NLRP9: variants seen among roughly 807,000 people sequenced by gnomAD.
NLRP9 encodes NACHT, LRR and PYD domains-containing protein 9.
Under a neutral mutation model 83.1 loss-of-function variants are expected in NLRP9, and 88 were observed. The ratio of observed to expected loss-of-function variants is 1.06; its 90% CI spans 0.89 to 1.26. The LOEUF is 1.26. NLRP9 is among the 50% of genes most tolerant of loss of function. NLRP9 has a pLI of 0.00. For synonymous variants in NLRP9, 521 were observed against 447.6 expected, an observed-to-expected ratio of 1.16 and a Z score of -2.07; for missense variants, 1,308 against 1,179.3, an observed-to-expected ratio of 1.11 and a Z score of -1.60.
chr19:55,734,980 A>G (rs182571739), intron 1 of NLRP9, among the ~76,000 whole-genome samples: 1 of 152,284 alleles, frequency 6.6e-6, no homozygotes, highest in East Asian at 1.9e-4. Flanking sequence ...AGTGATGAGA[A>G]ATGGGGAAGG....
rs769131313 is a variant in NLRP9 at position 55,711,361 on chromosome 19, T to G, written c.2843+439A>C. 6 of 1,160,648 alleles carry G rather than the reference T, an allele frequency of 5.2e-6. No homozygotes were observed. In the South Asian group the frequency reaches 1.1e-4, roughly 21 times the overall value. 71.9% of individuals were successfully genotyped at this position (1,160,648 alleles called of 1,614,324 possible). ...ACAACTCTAAAGGCAAACCTAATTT[T>G]CAGAACAACGTTAACTGCTGCCATT... On this transcript the variant is annotated intron_variant, in intron 8 of 8. Transcript: ENST00000332836.
At chr19:55,736,109 T>A (rs1988778079) in intron 1 of NLRP9, among the ~76,000 whole-genome samples, 1 of 152,006 alleles carries the variant, frequency 6.6e-6, no homozygotes, top group Non-Finnish European at 1.5e-5. Flanking sequence ...TAAGCAAGGT[T>A]ATTTAAAACT....
intron 1 of NLRP9, among the ~76,000 whole-genome samples, chr19:55,735,510 C>T (rs972463834): frequency 6.6e-6 from 1 of 152,130 alleles, no homozygotes; most frequent in African/African-American, 2.4e-5. Context: ...AATCATGGCT[C>T]ATAGCTTGAT....
At chr19:55,711,715 T>TC in intron 8 of NLRP9, 85 bp downstream of exon 8, 1 of 1,335,570 alleles carries the variant, frequency 7.5e-7, no homozygotes, top group Non-Finnish European at 1.1e-6. Context: ...CAGCCTGGCA[T>TC]CCATCATGTC....
intron 4 of NLRP9, among the ~76,000 whole-genome samples, chr19:55,720,493 ATT>A (rs944183174): frequency 2.0e-5 from 3 of 151,924 alleles, no homozygotes; most frequent in African/African-American, 7.3e-5. Flanking sequence ...TACCTAGATA[ATT>A]TTTTTGTTTT....
intron 4 of NLRP9, 25 bp from the exon 5 acceptor site, chr19:55,716,923 G>C: frequency 6.2e-7 from 1 of 1,604,764 alleles, no homozygotes; most frequent in African/African-American, 1.3e-5. Flanking sequence ...CACACCATGA[G>C]ACGGACCAAA....
intron 4 of NLRP9, among the ~76,000 whole-genome samples, chr19:55,718,881 C>T (rs1988127118): frequency 6.6e-6 from 1 of 152,220 alleles, no homozygotes; most frequent in African/African-American, 2.4e-5. Context: ...GGCTGGCCCC[C>T]TTCACACTCA....
intron 6 of NLRP9, 88 bp from the exon 7 acceptor site, chr19:55,712,678 G>A (rs1442543021): frequency 1.6e-5 from 16 of 1,017,664 alleles, no homozygotes; most frequent in Non-Finnish European, 2.3e-5. Context: ...TATGACGCAA[G>A]AAATACCCAA....
chr19:55,723,140 T>G (rs1568598903), intron 4 of NLRP9, among the ~76,000 whole-genome samples: 1 of 151,528 alleles, frequency 6.6e-6, no homozygotes, highest in Non-Finnish European at 1.5e-5. Flanking sequence ...GAACTTAAAG[T>G]ATAATAATAA....
rs527628394 is a variant in NLRP9, at chr19:55,736,858, A to C, written c.280+1237T>G. Among the ~76,000 whole-genome samples, 86 of 152,148 alleles carry C rather than the reference A, an allele frequency of 5.7e-4. 1 individual carries two copies. Among genetic ancestry groups the C allele is most frequent in the East Asian group, 2.7e-3 (14 of 5,182 alleles). On this transcript the variant is annotated intron_variant, in intron 1 of 8. Transcript: ENST00000332836. ...CAAAAAAATAAAACAAAAACAAAAA[A>C]AAAAACAAAAAACTAACACAGCAAG...
intron 4 of NLRP9, among the ~76,000 whole-genome samples, chr19:55,721,023 C>T (rs1358389575): frequency 1.3e-5 from 2 of 152,148 alleles, no homozygotes; most frequent in Non-Finnish European, 2.9e-5. Flanking sequence ...GGGGAGAAAA[C>T]GGGACAAGTG....
chr19:55,731,855 G>C (rs1402771379), intron 2 of NLRP9, 144 bp downstream of exon 2: 6 of 579,992 alleles, frequency 1.0e-5, no homozygotes, highest in Non-Finnish European at 1.8e-5. Flanking sequence ...TCCCACAGCA[G>C]TGCCAAGGCT....
intron 6 of NLRP9, 132 bp from the exon 7 acceptor site, chr19:55,712,722 G>A: frequency 2.0e-6 from 1 of 511,258 alleles, no homozygotes; most frequent in East Asian, 4.9e-5. Flanking sequence ...GTGGGGAGGG[G>A]AAGGAGGAGA....
chr19:55,717,058 G>C (rs1988051513), intron 4 of NLRP9, among the ~76,000 whole-genome samples, 160 bp from the exon 5 acceptor site: 1 of 146,172 alleles, frequency 6.8e-6, no homozygotes. Context: ...TTTTGAGAAG[G>C]AATCTCACTC....
chr19:55,732,776 T>C lies in NLRP9; in HGVS notation c.1055A>G (p.Glu352Gly), dbSNP rs770457125. The part of the protein sequence containing the change: ...LVCTCVKQRL[E>G]RGEDLEINSQ... ...GTTTATTTCAAGGTCTTCTCCCCTC[T>C]CTAGCCTCTGTTTCACACAAGTACA... Residue 352 changes from glutamate (E) to glycine (G), a missense_variant, in exon 2 of 9, where the codon GAG (glutamate) becomes GGG (glycine). By Grantham distance (98) the Glu-to-Gly change is moderately conservative. Coordinates refer to ENST00000332836, the MANE Select transcript of NLRP9 (RefSeq NM_176820.4). The C allele has an allele frequency of 3.7e-6, 6 of 1,614,170 alleles. No individual in the cohort carries two copies. The highest frequency in any genetic ancestry group is 2.2e-5 in the East Asian group (1 of 44,888).
chr19:55,733,919 ATTTTTT>A (rs765779528), intron 1 of NLRP9, among the ~76,000 whole-genome samples: 14 of 117,870 alleles, frequency 1.2e-4, no homozygotes, highest in African/African-American at 5.0e-4. Context: ...TGTCAACCAA[ATTTTTT>A]TTTTTTTTTT....
chr19:55,712,419 C>T lies in NLRP9; in HGVS notation c.2672+1G>A. ...TACGATGGTGATCAGTAGATACTCACCCGAGACACTCTAATTTACAGTGAG... is the reference window on the plus strand; with the variant it reads ...TACGATGGTGATCAGTAGATACTCATCCGAGACACTCTAATTTACAGTGAG... On this transcript the variant is annotated splice_donor_variant, in intron 7 of 8. Coordinates refer to ENST00000332836, the MANE Select transcript of NLRP9 (RefSeq NM_176820.4). LOFTEE classifies it high-confidence loss of function. 2 of 1,611,458 alleles carry T rather than the reference C, an allele frequency of 1.2e-6. No individual in the cohort carries two copies. The highest frequency in any genetic ancestry group is 1.7e-6 in the Non-Finnish European group (2 of 1,178,742).
At chr19:55,723,032 A>T (rs1036329045) in intron 4 of NLRP9, among the ~76,000 whole-genome samples, 5 of 152,260 alleles carry the variant, frequency 3.3e-5, no homozygotes, top group Middle Eastern at 6.8e-3. Flanking sequence ...GCATTAGGAG[A>T]TATACCTAAT....
At chr19:55,733,918 A>ATTTTTTTTTT (rs1423854158) in intron 1 of NLRP9, among the ~76,000 whole-genome samples, 2 of 118,054 alleles carry the variant, frequency 1.7e-5, no homozygotes, top group African/African-American at 7.3e-5. Flanking sequence ...TTGTCAACCA[A>ATTTTTTTTTT]ATTTTTTTTT....
Sources: gnomAD v4.1 joint callset for allele counts (sites outside exome capture counted in the v4.1 genomes callset) on GRCh38, gnomAD v4.1.1 for gene constraint, MANE v1.5 for transcripts, NCBI Gene and HGNC (gene_info 2026-07-23, HGNC 2026-07-21) for gene names.